The following ADGRE2 variants were observed in gnomAD, a reference collection of about 807,000 sequenced individuals.
ADGRE2 encodes CD97 antigen.
ADGRE2 carries 83 observed loss-of-function variants against 100.8 expected under a neutral mutation model. The observed-to-expected ratio is 0.82, with a 90% CI of 0.69 to 0.99. The LOEUF is 0.99. Ranked by LOEUF, ADGRE2 falls within the 50% of genes least tolerant of loss-of-function variation. The pLI, the probability that ADGRE2 is intolerant of heterozygous loss-of-function variation, is 0.00. For missense variants in ADGRE2, 814 were observed against 1,035.7 expected (o/e 0.79, Z 2.94); for synonymous variants, 355 against 413.0 (o/e 0.86, Z 1.70).
At position 14,755,070 on chromosome 19, in the gene ADGRE2, A is replaced by T. The variant is rs2043442424; in HGVS notation, c.1474T>A (p.Cys492Ser). The T allele has an allele frequency of 6.2e-7, 1 of 1,613,888 alleles. No individual in the cohort carries two copies. Among genetic ancestry groups the T allele is most frequent in the African/African-American group, 1.3e-5 (1 of 74,872 alleles). The change falls in exon 14 of 21, where the codon TGT becomes AGT. Residue 492 changes from cysteine (C) to serine (S), a missense_variant. Physicochemically the swap from Cys to Ser is moderately radical, Grantham distance 112. Around this residue, in one of 5 missense-constraint regions of ADGRE2, gnomAD observed 569 missense variants for 692.7 expected, o/e 0.82. Coordinates refer to ENST00000315576, the MANE Select transcript of ADGRE2 (RefSeq NM_013447.4). ...CAGCCTGTGGTGGCCCAGTGACCACATCCATTCTGGCCATGCTCCCAGAAG... is the reference window on the plus strand; with the variant it reads ...CAGCCTGTGGTGGCCCAGTGACCACTTCCATTCTGGCCATGCTCCCAGAAG... Reference protein sequence around the residue: ...CVFWEHGQNGCGHWATTGCST... With the variant: ...CVFWEHGQNGSGHWATTGCST...
intron 10 of ADGRE2, among the ~76,000 whole-genome samples, 166 bp downstream of exon 10, chr19:14,765,154 T>C (rs189800276): frequency 6.6e-6 from 1 of 152,186 alleles, no homozygotes; most frequent in East Asian, 1.9e-4. Context: ...AGATATTAAG[T>C]GCACTTGGGT....
intron 7 of ADGRE2, 21 bp downstream of exon 7, chr19:14,766,214 C>A: frequency 6.2e-7 from 1 of 1,614,010 alleles, no homozygotes; most frequent in South Asian, 1.1e-5. Flanking sequence ...TCTCTGGGAA[C>A]GTGGGATCTG....
Position 14,770,723 on chromosome 19 carries a change from A to G in ADGRE2, c.355+1619T>C, listed in dbSNP as rs1206989297. Among the ~76,000 whole-genome samples, 2 of 116,754 alleles carry G rather than the reference A, an allele frequency of 1.7e-5. 1 individual carries two copies. The highest frequency in any genetic ancestry group is 3.2e-5 in the Non-Finnish European group (2 of 62,280). 76.6% of individuals were successfully genotyped at this position (116,754 alleles called of 152,430 possible). A position where few individuals can be genotyped will look rare whatever the true frequency, so the allele number is the denominator to read the frequency against. On this transcript the variant is annotated intron_variant, in intron 5 of 20. Coordinates refer to ENST00000315576, the MANE Select transcript of ADGRE2 (RefSeq NM_013447.4). ...GAGACAAAGTCTTGCTCTGTCACCC[A>G]GGCTGGAGTGCAATATTGAGATCCT... is the stretch of plus-strand genomic sequence containing the variant.
Position 14,765,661 on chromosome 19 carries a change from C to T in ADGRE2, c.778G>A (p.Glu260Lys), listed in dbSNP as rs1346462314. The change falls in exon 8 of 21, where the codon GAA (glutamate) becomes AAA (lysine). Residue 260 changes from glutamate to lysine, a missense_variant. By Grantham distance (56) the Glu-to-Lys change is moderately conservative. This residue lies in a region of ADGRE2 where 569 missense variants were observed against 692.7 expected (regional missense o/e 0.82). Transcript: ENST00000315576. The stretch of plus-strand genomic sequence containing the variant: ...AGCTTCTAGGGCCAGGTCATACCTT[C>T]ACAGACAGTGTCCTTTTGGTTATTC... The part of the protein sequence containing the change: ...IPNNQKDTVC[E>K]DMTFSTWTPP... 1 of 1,613,608 alleles carries T rather than the reference C, an allele frequency of 6.2e-7. No individual in the cohort carries two copies. Among genetic ancestry groups the T allele is most frequent in the Non-Finnish European group, 8.5e-7 (1 of 1,179,728 alleles).
rs2044504707 is a variant in ADGRE2, at chr19:14,778,470, G to A, written c.-385C>T. On this transcript the variant is annotated 5_prime_UTR_variant, in exon 1 of 21. Coordinates refer to ENST00000315576, the MANE Select transcript of ADGRE2 (RefSeq NM_013447.4). ...AGTGTCCACATAAAAGCCCAGGGAG[G>A]GAGAAGGGGCCCTCTTCCGATGCCA... 1.1e-6 allele frequency: 1 copy of A among 939,958 alleles called. No homozygotes were observed. The allele number at this position is 939,958 out of a possible 1,614,324, so 58.2% of individuals were successfully genotyped here.
chr19:14,749,491 G>GTTATGTAATATAATTATTTATAT (rs2043202268), intron 16 of ADGRE2, among the ~76,000 whole-genome samples: 1 of 135,296 alleles, frequency 7.4e-6, no homozygotes, highest in Non-Finnish European at 1.5e-5. Context: ...TAATTATTTA[G>GTTATGTAATATAATTATTTATAT]TTATGTAATA....
At chr19:14,727,313 C>A in the ADGRE2 span, among the ~76,000 whole-genome samples, 2 of 152,158 alleles carry the variant, frequency 1.3e-5, no homozygotes, top group Non-Finnish European at 2.9e-5. Context: ...CAGGTGTGAG[C>A]CACCAAGCCC....
At chr19:14,771,625 T>TTTATTTATTTAC (rs2044211229) in intron 5 of ADGRE2, among the ~76,000 whole-genome samples, 1 of 132,774 alleles carries the variant, frequency 7.5e-6, no homozygotes, top group African/African-American at 3.2e-5. Context: ...CCATTGCTTA[T>TTTATTTATTTAC]TTATTTATTT....
intron 2 of ADGRE2, among the ~76,000 whole-genome samples, 172 bp from the exon 3 acceptor site, chr19:14,774,478 G>A (rs554203830): frequency 1.1e-4 from 16 of 151,708 alleles, no homozygotes; most frequent in African/African-American, 3.6e-4. Flanking sequence ...CAAAGCCAGA[G>A]AGTCTGTCAC....
intron 17 of ADGRE2, among the ~76,000 whole-genome samples, 155 bp downstream of exon 17, chr19:14,746,741 A>G (rs181734110): frequency 1.3e-5 from 2 of 152,314 alleles, no homozygotes; most frequent in East Asian, 3.9e-4. Context: ...ATTGAGTAAC[A>G]GTGTTGAGTT....
intron 1 of ADGRE2, 84 bp from the exon 2 acceptor site, chr19:14,777,011 CA>C: frequency 7.6e-7 from 1 of 1,318,490 alleles, no homozygotes; most frequent in East Asian, 3.2e-5. Context: ...CACACACACA[CA>C]CACGTGTACT....
chr19:14,763,624 C>G (rs1265541649), intron 11 of ADGRE2, among the ~76,000 whole-genome samples: 3 of 145,904 alleles, frequency 2.1e-5, no homozygotes, highest in Admixed American at 1.4e-4. Context: ...CTCCTGTGCT[C>G]CTCCTCCTCT....
chr19:14,751,679 A>G lies in ADGRE2; in HGVS notation c.1789-8T>C. 1 of 1,607,336 alleles carries G rather than the reference A, an allele frequency of 6.2e-7. No individual in the cohort carries two copies. The highest frequency in any genetic ancestry group is 8.5e-7 in the Non-Finnish European group (1 of 1,174,168). On this transcript the variant is annotated splice_polypyrimidine_tract_variant and splice_region_variant and intron_variant, in intron 15 of 20. Transcript: ENST00000315576. ...GATGATGGAGCACAGCACCTGGCGG[A>G]GAAGTAAAAGACGCCCAGAGCGGCG...
chr19:14,760,301 G>T (rs897139590), intron 11 of ADGRE2, among the ~76,000 whole-genome samples: 5 of 152,130 alleles, frequency 3.3e-5, no homozygotes, highest in Non-Finnish European at 7.3e-5. Context: ...AAGCAACAAA[G>T]TATCACATGT....
Position 14,776,816 on chromosome 19 carries a change from C to G in ADGRE2, c.-60G>C. 6.2e-7 allele frequency: 1 copy of G among 1,606,788 alleles called. No homozygotes were observed. The highest frequency in any genetic ancestry group is 8.5e-7 in the Non-Finnish European group (1 of 1,176,784). ...GAAAGAGTGAGTGGGACAGGGCTGT[C>G]CCGTCTCCGCAGGCTGGGCAGCTGT... is the stretch of plus-strand genomic sequence containing the variant. On this transcript the variant is annotated 5_prime_UTR_variant, in exon 2 of 21. Coordinates refer to ENST00000315576, the MANE Select transcript of ADGRE2 (RefSeq NM_013447.4).
Position 14,764,433 on chromosome 19 carries a change from C to A in ADGRE2, c.1084G>T (p.Glu362Ter), listed in dbSNP as rs1174409985. ...GTCTGGGGCAGACCCAGGGACCTAC[C>A]TGTGCCTGCAGGATAACTGAAGTTC... is the stretch of plus-strand genomic sequence containing the variant. ...LLNFSYPAGT[E>*]LSLEVQKQVD... Residue 362 changes from glutamate (E) to a stop codon, truncating the protein, a stop_gained and splice_region_variant, in exon 11 of 21, where the codon GAA becomes TAA. Transcript: ENST00000315576. LOFTEE classifies it high-confidence loss of function. The A allele has an allele frequency of 1.2e-6, 2 of 1,612,904 alleles. No homozygotes were observed. Among genetic ancestry groups the A allele is most frequent in the Non-Finnish European group, 1.7e-6 (2 of 1,179,914 alleles).
downstream of ADGRE2, among the ~76,000 whole-genome samples, chr19:14,728,707 G>A (rs1283462112): frequency 6.6e-6 from 1 of 152,212 alleles, no homozygotes; most frequent in Admixed American, 6.5e-5. Context: ...CTTAGGTCAT[G>A]TTGAATATAA....
chr19:14,738,557 T>A (rs2042827370), intron 20 of ADGRE2, among the ~76,000 whole-genome samples: 2 of 152,128 alleles, frequency 1.3e-5, no homozygotes, highest in Non-Finnish European at 1.5e-5. Flanking sequence ...TTTATACTTT[T>A]TGTAGAAACG....
At chr19:14,763,020 C>T (rs1366939859) in intron 11 of ADGRE2, among the ~76,000 whole-genome samples, 2 of 152,106 alleles carry the variant, frequency 1.3e-5, no homozygotes, top group African/African-American at 2.4e-5. Context: ...AAAATTAATG[C>T]TATATGCATT....
Sources: allele counts gnomAD v4.1 joint callset (sites outside exome capture counted in the v4.1 genomes callset), GRCh38; gene constraint gnomAD v4.1.1; regional missense constraint gnomAD v4.1.1; transcripts MANE v1.5; gene names NCBI Gene and HGNC (gene_info 2026-07-23, HGNC 2026-07-21).